The following UNC5C variants were observed in gnomAD, a reference collection of about 807,000 sequenced individuals.
UNC5C encodes netrin receptor UNC5C.
In UNC5C, 47 loss-of-function variants were observed where a neutral mutation model predicts 99.8. The observed-to-expected ratio is 0.47, with a 90% CI of 0.37 to 0.60. UNC5C has a LOEUF of 0.60. Among genes scored for constraint, UNC5C ranks in the 20% least tolerant of loss-of-function variants. UNC5C has a pLI of 0.00. For missense variants in UNC5C, 1,062 were observed against 1,165.9 expected, an observed-to-expected ratio of 0.91 and a Z score of 1.30; for synonymous variants, 487 against 452.2, an observed-to-expected ratio of 1.08 and a Z score of -0.98.
At position 95,175,087 on chromosome 4, in the gene UNC5C, A is replaced by G. The variant is rs1298874713; in HGVS notation, c.2452-4755T>C. On this transcript the variant is annotated intron_variant, in intron 14 of 15. Coordinates refer to ENST00000453304, the MANE Select transcript of UNC5C (RefSeq NM_003728.4). The stretch of plus-strand genomic sequence containing the variant: ...CAACCCCTGCCTTTTTTTGTTTTCT[A>G]TTTGCTTGGTAGGTCTTCCTCCATC... Among the ~76,000 whole-genome samples, 9 of 151,202 alleles carry G rather than the reference A, an allele frequency of 6.0e-5. No individual in the cohort carries two copies. The East Asian group carries it at 7.8e-4, about 13-fold the overall frequency.
chr4:95,335,457 A>G lies in UNC5C; in HGVS notation c.299T>C (p.Val100Ala). 2 of 1,612,300 alleles carry G rather than the reference A, an allele frequency of 1.2e-6. No individual in the cohort carries two copies. The highest frequency in any genetic ancestry group is 1.7e-4 in the Middle Eastern group (1 of 6,050). The change falls in exon 2 of 16, where the codon GTT becomes GCT. Residue 100 changes from valine to alanine, a missense_variant. Around this residue, in one of 3 missense-constraint regions of UNC5C, gnomAD observed 249 missense variants for 295.1 expected, o/e 0.84. Coordinates refer to ENST00000453304, the MANE Select transcript of UNC5C (RefSeq NM_003728.4). ...ATCTACTATGTGGTCCTTCTGATGA[A>G]CCCATTCACTATTACACTTGAAATA... ...QIYFKCNSEWVHQKDHIVDER... is the reference protein window; with the variant it reads ...QIYFKCNSEWAHQKDHIVDER...
intron 1 of UNC5C, among the ~76,000 whole-genome samples, chr4:95,475,907 G>C (rs1748130606): frequency 6.6e-6 from 1 of 152,052 alleles, no homozygotes. Context: ...ACAATAAAGT[G>C]TTTTCAAAAG....
At chr4:95,404,073 G>A (rs983135273) in intron 1 of UNC5C, among the ~76,000 whole-genome samples, 19 of 151,976 alleles carry the variant, frequency 1.3e-4, no homozygotes, top group Admixed American at 1.3e-4. Flanking sequence ...GAAAAGAATC[G>A]CTTTTATTTT....
intron 13 of UNC5C, among the ~76,000 whole-genome samples, chr4:95,184,032 A>AATT (rs1368303315): frequency 1.3e-5 from 2 of 152,196 alleles, no homozygotes; most frequent in Non-Finnish European, 2.9e-5. Flanking sequence ...GTATAAAAGA[A>AATT]ATTACTCCTA....
Position 95,219,128 on chromosome 4 carries a change from CAGAG to C in UNC5C, c.1482_1485del (p.Glu496LeufsTer9). On this transcript the variant is annotated frameshift_variant, in exon 9 of 16. Transcript: ENST00000453304. LOFTEE classifies it high-confidence loss of function. Reference sequence around the variant, plus strand: ...TGAGGGGACAGCTTGGACGTAAACTCAGAGAGGTCATCTTGGGGGGTGACAGCAC... The same window carrying C: ...TGAGGGGACAGCTTGGACGTAAACTCAGGTCATCTTGGGGGGTGACAGCAC... 1 of 1,614,114 alleles carries C rather than the reference CAGAG, an allele frequency of 6.2e-7. No individual in the cohort carries two copies. Among genetic ancestry groups the C allele is most frequent in the Non-Finnish European group, 8.5e-7 (1 of 1,180,012 alleles).
In UNC5C at chr4:95,206,643, T is replaced by C. The variant is rs1215489617; in HGVS notation, c.1887A>G (p.Ala629=). The part of the protein sequence containing the change: ...DWKILLKNQA[A]QGQWEDVVVV... The stretch of plus-strand genomic sequence containing the variant: ...AGCAGCTCACCTCCCACTGTCCCTG[T>C]GCTGCCTGGTTCTTGAGCAGTATTT... The change falls in exon 11 of 16, where the codon GCA becomes GCG. Residue 629 remains alanine (A), a synonymous_variant. Transcript: ENST00000453304. The C allele has an allele frequency of 2.5e-6, 4 of 1,614,164 alleles. No individual in the cohort carries two copies. In the South Asian group the frequency reaches 3.3e-5, roughly 13 times the overall value.
chr4:95,527,813 A>G (rs1722536809), intron 1 of UNC5C, among the ~76,000 whole-genome samples: 1 of 152,146 alleles, frequency 6.6e-6, no homozygotes, highest in Non-Finnish European at 1.5e-5. Flanking sequence ...GAAATTTTTA[A>G]TAAAAGCCTA....
At chr4:95,429,292 A>AAC (rs1560829643) in intron 1 of UNC5C, among the ~76,000 whole-genome samples, 1 of 63,118 alleles carries the variant, frequency 1.6e-5, no homozygotes, top group Non-Finnish European at 4.2e-5. Flanking sequence ...AAAAAAAAAA[A>AAC]AAAAACAAAC....
chr4:95,370,606 CA>C (rs1744714819), intron 1 of UNC5C, among the ~76,000 whole-genome samples: 1 of 152,192 alleles, frequency 6.6e-6, no homozygotes, highest in African/African-American at 2.4e-5. Context: ...TACTCATTTT[CA>C]GCTAATTGTT....
intron 5 of UNC5C, 124 bp from the exon 6 acceptor site, chr4:95,245,268 C>A: frequency 4.4e-6 from 5 of 1,135,754 alleles, no homozygotes; most frequent in East Asian, 2.9e-5. Flanking sequence ...TATAAAAATC[C>A]AAAATTTCAA....
At chr4:95,183,469 T>C (rs1736700470) in intron 13 of UNC5C, among the ~76,000 whole-genome samples, 4 of 152,186 alleles carry the variant, frequency 2.6e-5, no homozygotes, top group Admixed American at 2.6e-4. Context: ...TGTCGTGACA[T>C]TCTGGAGAAA....
chr4:95,351,971 A>G (rs1744009236), intron 1 of UNC5C, among the ~76,000 whole-genome samples: 2 of 151,880 alleles, frequency 1.3e-5, no homozygotes, highest in Non-Finnish European at 2.9e-5. Flanking sequence ...TTCCTGTCCT[A>G]TGTCTTCGAC....
intron 1 of UNC5C, among the ~76,000 whole-genome samples, chr4:95,407,157 T>C (rs1745852202): frequency 6.6e-6 from 1 of 152,144 alleles, no homozygotes; most frequent in Non-Finnish European, 1.5e-5. Context: ...GAAAATAAGA[T>C]GAGTTATTAA....
intron 1 of UNC5C, among the ~76,000 whole-genome samples, chr4:95,468,410 C>T (rs963920248): frequency 2.6e-5 from 4 of 152,110 alleles, no homozygotes; most frequent in Admixed American, 6.6e-5. Flanking sequence ...TGGCTATTAG[C>T]TATTGAATTT....
At chr4:95,270,288 C>T (rs556289189) in intron 4 of UNC5C, among the ~76,000 whole-genome samples, 1 of 152,290 alleles carries the variant, frequency 6.6e-6, no homozygotes, top group Non-Finnish European at 1.5e-5. Flanking sequence ...AAACAAGTAT[C>T]CATTCACTTC....
rs1028514212 is a variant in UNC5C at position 95,395,507 on chromosome 4, A to G, written c.125-59876T>C. Among the ~76,000 whole-genome samples, 22 of 152,184 alleles carry G rather than the reference A, an allele frequency of 1.4e-4. 1 individual carries two copies. Among genetic ancestry groups the G allele is most frequent in the Non-Finnish European group, 3.1e-4 (21 of 68,032 alleles). On this transcript the variant is annotated intron_variant, in intron 1 of 15. Coordinates refer to ENST00000453304, the MANE Select transcript of UNC5C (RefSeq NM_003728.4). Reference sequence around the variant, plus strand: ...TCTTAGTGTCCTCCTCCCAGACACTAAGGGTATAGCTGCCTGAGAGCAGGT... The same window carrying G: ...TCTTAGTGTCCTCCTCCCAGACACTGAGGGTATAGCTGCCTGAGAGCAGGT...
chr4:95,326,159 T>G (rs889230759), intron 2 of UNC5C, among the ~76,000 whole-genome samples: 4 of 152,110 alleles, frequency 2.6e-5, no homozygotes, highest in Non-Finnish European at 5.9e-5. Context: ...CATAAGACAC[T>G]TGTGATGACT....
chr4:95,311,074 A>T (rs1742259162), intron 2 of UNC5C, among the ~76,000 whole-genome samples: 1 of 152,132 alleles, frequency 6.6e-6, no homozygotes, highest in African/African-American at 2.4e-5. Flanking sequence ...GATAACTTGA[A>T]TGGTGGGTGT....
intron 12 of UNC5C, among the ~76,000 whole-genome samples, chr4:95,187,405 G>A (rs1736873734): frequency 6.6e-6 from 1 of 152,248 alleles, no homozygotes; most frequent in South Asian, 2.1e-4. Flanking sequence ...AAGATGCATT[G>A]TATTCCAGGA....
Sources: allele counts gnomAD v4.1 joint callset (sites outside exome capture counted in the v4.1 genomes callset), GRCh38; gene constraint gnomAD v4.1.1; regional missense constraint gnomAD v4.1.1; transcripts MANE v1.5; gene names NCBI Gene and HGNC (gene_info 2026-07-23, HGNC 2026-07-21).